The following LMBR1 variants were observed in gnomAD, a reference collection of about 807,000 sequenced individuals.
LMBR1 encodes the protein limb region 1 protein homolog.
A neutral mutation model predicts 73.9 loss-of-function variants in LMBR1; 52 were observed. The ratio of observed to expected loss-of-function variants is 0.70; its 90% CI spans 0.56 to 0.89. LMBR1 has a LOEUF of 0.89. Among genes scored for constraint, LMBR1 ranks in the 40% least tolerant of loss-of-function variants. LMBR1 has a pLI of 0.00. For synonymous variants in LMBR1, 215 were observed against 209.4 expected (o/e 1.03, Z -0.23); for missense variants, 539 against 579.8 (o/e 0.93, Z 0.72).
At chr7:156,834,160 A>T (rs1208234056) in intron 2 of LMBR1, among the ~76,000 whole-genome samples, 1 of 152,198 alleles carries the variant, frequency 6.6e-6, no homozygotes. Context: ...ACAGCCAACA[A>T]AAGTTACTAT....
chr7:156,785,609 C>G (rs1171772107), intron 5 of LMBR1, among the ~76,000 whole-genome samples: 1 of 152,130 alleles, frequency 6.6e-6, no homozygotes, highest in African/African-American at 2.4e-5. Context: ...GAGACTGACA[C>G]AACTACAAAG....
intron 10 of LMBR1, among the ~76,000 whole-genome samples, chr7:156,729,453 A>AT (rs1315253053): frequency 6.8e-6 from 1 of 147,884 alleles, no homozygotes; most frequent in East Asian, 2.0e-4. Flanking sequence ...ATAAAGTTAT[A>AT]TGAATAAAAA....
intron 3 of LMBR1, among the ~76,000 whole-genome samples, chr7:156,831,520 C>G (rs1170805049): frequency 6.6e-6 from 1 of 152,068 alleles, no homozygotes; most frequent in Non-Finnish European, 1.5e-5. Context: ...GGAGACTAGT[C>G]AGACTCCTCC....
At chr7:156,831,275 A>ATTTTTTTTTT (rs10633275) in intron 3 of LMBR1, among the ~76,000 whole-genome samples, 11 of 127,984 alleles carry the variant, frequency 8.6e-5, no homozygotes, top group Non-Finnish European at 1.6e-4. Flanking sequence ...CCTACCCTAG[A>ATTTTTTTTTT]TTTTTTTTTT....
chr7:156,840,583 G>A (rs1477507614), intron 1 of LMBR1, among the ~76,000 whole-genome samples: 2 of 152,034 alleles, frequency 1.3e-5, no homozygotes, highest in East Asian at 1.9e-4. Flanking sequence ...CCCTGAGTGA[G>A]ACAGAATTCC....
chr7:156,771,037 G>T (rs1015010046), intron 5 of LMBR1, among the ~76,000 whole-genome samples: 2 of 151,734 alleles, frequency 1.3e-5, no homozygotes, highest in African/African-American at 4.8e-5. Context: ...TAAATGTCTG[G>T]CTAGAAAAAT....
chr7:156,787,701 A>G (rs1828390089), intron 5 of LMBR1, among the ~76,000 whole-genome samples: 1 of 152,236 alleles, frequency 6.6e-6, no homozygotes, highest in African/African-American at 2.4e-5. Flanking sequence ...TAAGTGATAA[A>G]TATTTCTCAG....
intron 5 of LMBR1, among the ~76,000 whole-genome samples, chr7:156,791,693 T>C (rs1235581749): frequency 6.6e-6 from 1 of 152,230 alleles, no homozygotes; most frequent in South Asian, 2.1e-4. Flanking sequence ...TAAAATTTTG[T>C]ACTTTTTGCT....
At position 156,826,746 on chromosome 7, in the gene LMBR1, T is replaced by C. The variant is rs963576247; in HGVS notation, c.180-2A>G. 6.2e-7 allele frequency: 1 copy of C among 1,601,304 alleles called. No individual in the cohort carries two copies. The highest frequency in any genetic ancestry group is 8.5e-7 in the Non-Finnish European group (1 of 1,172,602). ...AGAGTGAACGTGCTCAAAAACAACC[T>C]GGAAGAAAGGAGAGTCACCATCACA... is the stretch of plus-strand genomic sequence containing the variant. On this transcript the variant is annotated splice_acceptor_variant, in intron 3 of 16. Transcript: ENST00000353442. LOFTEE classifies it high-confidence loss of function.
intron 1 of LMBR1, among the ~76,000 whole-genome samples, chr7:156,840,564 C>T (rs1201333022): frequency 2.0e-5 from 3 of 151,968 alleles, no homozygotes; most frequent in Non-Finnish European, 4.4e-5. Context: ...TACTGTGTGT[C>T]GGTTTTTACC....
intron 9 of LMBR1, among the ~76,000 whole-genome samples, chr7:156,749,515 G>C (rs868609972): frequency 2.6e-5 from 4 of 152,054 alleles, no homozygotes; most frequent in South Asian, 2.1e-4. Context: ...AAGTGCTTCT[G>C]ACAGGTCACA....
chr7:156,844,851 G>A (rs1020047586), intron 1 of LMBR1, among the ~76,000 whole-genome samples: 5 of 152,086 alleles, frequency 3.3e-5, no homozygotes, highest in African/African-American at 1.2e-4. Flanking sequence ...GAATGGCTAG[G>A]CACTTGAGAG....
chr7:156,887,111 G>A (rs1340051349), intron 1 of LMBR1, among the ~76,000 whole-genome samples: 1 of 152,170 alleles, frequency 6.6e-6, no homozygotes, highest in East Asian at 1.9e-4. Flanking sequence ...TAAAGCAACT[G>A]ACAAGAGAAC....
chr7:156,891,603 T>C (rs1803006801), intron 1 of LMBR1, among the ~76,000 whole-genome samples: 1 of 152,106 alleles, frequency 6.6e-6, no homozygotes, highest in African/African-American at 2.4e-5. Context: ...CCTAGTAAAA[T>C]TGTGTTTATT....
At chr7:156,707,194 T>C (rs1365119167) in intron 15 of LMBR1, among the ~76,000 whole-genome samples, 10 of 151,070 alleles carry the variant, frequency 6.6e-5, no homozygotes, top group Non-Finnish European at 1.2e-4. Context: ...CGGGAAGAAA[T>C]AAAAAACCCG....
At chr7:156,789,156 T>C (rs1421201342) in intron 5 of LMBR1, among the ~76,000 whole-genome samples, 1 of 152,250 alleles carries the variant, frequency 6.6e-6, no homozygotes. Context: ...CATTTCAATA[T>C]ATTGAATCCT....
At chr7:156,856,191 T>C (rs1328682723) in intron 1 of LMBR1, among the ~76,000 whole-genome samples, 3 of 151,982 alleles carry the variant, frequency 2.0e-5, no homozygotes, top group South Asian at 2.1e-4. Flanking sequence ...CAAGACTCTG[T>C]CTCAATAAAT....
intron 5 of LMBR1, among the ~76,000 whole-genome samples, chr7:156,784,481 C>G (rs892014922): frequency 2.6e-5 from 4 of 152,146 alleles, no homozygotes; most frequent in African/African-American, 9.7e-5. Context: ...CTACTTCAGC[C>G]CAAAGCAAAT....
intron 4 of LMBR1, among the ~76,000 whole-genome samples, chr7:156,808,408 T>C (rs1466350060): frequency 6.6e-6 from 1 of 152,184 alleles, no homozygotes; most frequent in Non-Finnish European, 1.5e-5. Flanking sequence ...ACTCCAACTT[T>C]GCTCTGTTTA....
Sources: allele counts gnomAD v4.1 joint callset (sites outside exome capture counted in the v4.1 genomes callset), GRCh38; gene constraint gnomAD v4.1.1; transcripts MANE v1.5; gene names NCBI Gene and HGNC (gene_info 2026-07-23, HGNC 2026-07-21).